The following POLN variants were observed in gnomAD, a reference collection of about 807,000 sequenced individuals.
POLN encodes DNA polymerase N.
Under a neutral mutation model 113.5 loss-of-function variants are expected in POLN, and 108 were observed. That is an observed-to-expected ratio of 0.95 (90% CI 0.81 to 1.12). The LOEUF (loss-of-function observed/expected upper bound fraction) is 1.12, where lower values mean the gene tolerates loss of function less well. Among genes scored for constraint, POLN ranks in the 50% most tolerant of loss-of-function variants. POLN has a pLI of 0.00. For missense variants in POLN, 1,097 were observed against 1,077.1 expected (o/e 1.02, Z -0.26); for synonymous variants, 386 against 391.5 (o/e 0.99, Z 0.17).
rs1200547268 is a variant in POLN, at chr4:2,198,601, A to T, written c.831T>A (p.Asp277Glu). ...CGPVLEGFVSDDPCIYIQIEH... is the reference protein window; with the variant it reads ...CGPVLEGFVSEDPCIYIQIEH... ...CTATTTGAATGTAGATGCATGGATC[A>T]TCTGACACAAAGCCCTCCAGAACAG... Residue 277 changes from aspartate (D) to glutamate (E), a missense_variant, in exon 6 of 26, where the codon GAT becomes GAA. By Grantham distance (45) the Asp-to-Glu change is conservative. Coordinates refer to ENST00000511885, the MANE Select transcript of POLN (RefSeq NM_181808.4). The T allele has an allele frequency of 6.2e-7, 1 of 1,614,066 alleles. No homozygotes were observed. Among genetic ancestry groups the T allele is most frequent in the Admixed American group, 1.7e-5 (1 of 59,992 alleles).
chr4:2,110,698 T>A (rs1200618858), intron 19 of POLN, among the ~76,000 whole-genome samples: 2 of 152,170 alleles, frequency 1.3e-5, no homozygotes, highest in East Asian at 3.8e-4. Flanking sequence ...AGGAAGAAGT[T>A]GAATCTCTGA....
At position 2,129,225 on chromosome 4, in the gene POLN, C is replaced by T. The variant is rs141684891; in HGVS notation, c.1821G>A (p.Pro607=). Residue 607 remains proline, a synonymous_variant, in exon 18 of 26, where the codon CCG becomes CCA. Coordinates refer to ENST00000511885, the MANE Select transcript of POLN (RefSeq NM_181808.4). ...GKEDKILTIS[P]RAMFVSSKGH... ...CTTTGGATGAAACAAACATGGCCCT[C>T]GGGGAGATCGTGAGAATCTTGTCTT... is the stretch of plus-strand genomic sequence containing the variant. 6.3e-6 allele frequency: 10 copies of T among 1,599,792 alleles called. No homozygotes were observed. Among genetic ancestry groups the T allele is most frequent in the South Asian group, 4.4e-5 (4 of 90,772 alleles).
intron 11 of POLN, 111 bp downstream of exon 11, chr4:2,173,844 C>G: frequency 9.3e-7 from 1 of 1,073,004 alleles, no homozygotes; most frequent in Non-Finnish European, 1.4e-6. Context: ...ACTGTCAACA[C>G]CAAACAAGGA....
chr4:2,091,808 C>CGCGT (rs1244400610), intron 20 of POLN, among the ~76,000 whole-genome samples: 1 of 148,394 alleles, frequency 6.7e-6, no homozygotes, highest in African/African-American at 2.5e-5. Flanking sequence ...TGTGCGCGCG[C>CGCGT]TACAATTTGA....
At chr4:2,230,619 CAAG>C (rs1180139596) in intron 2 of POLN, 1 of 151,656 alleles carries the variant, frequency 6.6e-6, no homozygotes. Flanking sequence ...TTTCAAAAAT[CAAG>C]AAGGTTCATC....
Position 2,208,471 on chromosome 4 carries a change from C to A in POLN, c.230G>T (p.Arg77Ile). The A allele has an allele frequency of 3.2e-6, 5 of 1,548,220 alleles. No homozygotes were observed. The highest frequency in any genetic ancestry group is 4.3e-6 in the Non-Finnish European group (5 of 1,153,102). ...GGCAGAACCTCTTGATGTCTGACTT[C>A]TTAAAGATTTAAGATCCTACAGAAA... ...SPEKKDLKSL[R>I]SQTSRGSAKL... Residue 77 changes from arginine to isoleucine, a missense_variant, in exon 5 of 26, where the codon AGA becomes ATA. By Grantham distance (97) the Arg-to-Ile change is moderately conservative. Transcript: ENST00000511885.
intron 2 of POLN, chr4:2,240,073 A>G (rs767805391): frequency 1.2e-6 from 2 of 1,613,962 alleles, no homozygotes; most frequent in African/African-American, 1.3e-5. Context: ...TCCTCTGCCC[A>G]TTTTATACTT....
intron 16 of POLN, among the ~76,000 whole-genome samples, chr4:2,154,468 G>GA (rs1167909227): frequency 9.9e-5 from 15 of 152,094 alleles, no homozygotes; most frequent in African/African-American, 3.4e-4. Context: ...AATGGAAATT[G>GA]AAAAAATGAG....
chr4:2,216,963 CGCA>C (rs943136271), intron 3 of POLN, among the ~76,000 whole-genome samples: 5 of 152,178 alleles, frequency 3.3e-5, no homozygotes, highest in African/African-American at 1.2e-4. Context: ...CCAGCATGGG[CGCA>C]GCAGATGGCA....
At chr4:2,231,792 TTAATA>T (rs1187301563) in intron 2 of POLN, 27 of 567,982 alleles carry the variant, frequency 4.8e-5, no homozygotes, top group Non-Finnish European at 7.2e-5. Flanking sequence ...AAAAGACAAA[TTAATA>T]TAATAGTTCA....
intron 19 of POLN, among the ~76,000 whole-genome samples, chr4:2,122,255 T>C (rs868172454): frequency 6.6e-6 from 1 of 152,160 alleles, no homozygotes; most frequent in African/African-American, 2.4e-5. Flanking sequence ...TTCTAAGACT[T>C]CCCATACCTC....
In POLN at chr4:2,093,799, A is replaced by C. The variant is rs757233598; in HGVS notation, c.2065+2052T>G. ...TCACAGAACCTAGTTCTTTAAAACA[A>C]AGTTTCTTAGTCTATTTTCCAAAAA... On this transcript the variant is annotated intron_variant, in intron 20 of 25. Transcript: ENST00000511885. The surrounding 1 kb of genome is among the most constrained non-coding windows in gnomAD (Gnocchi z 4.1). Among the ~76,000 whole-genome samples the C allele has an allele frequency of 6.6e-6, 1 of 152,212 alleles. No homozygotes were observed. Among genetic ancestry groups the C allele is most frequent in the Non-Finnish European group, 1.5e-5 (1 of 68,034 alleles).
intron 16 of POLN, chr4:2,156,422 A>G (rs1433552279): frequency 2.1e-6 from 1 of 469,128 alleles, no homozygotes. Flanking sequence ...AACAACCACC[A>G]AAAAATGGAG....
At chr4:2,219,142 G>A (rs1734191309) in intron 3 of POLN, among the ~76,000 whole-genome samples, 1 of 152,122 alleles carries the variant, frequency 6.6e-6, no homozygotes, top group African/African-American at 2.4e-5. Flanking sequence ...ATAACATGTG[G>A]GGACTTGGAA....
chr4:2,121,453 AT>A (rs1402857082), intron 19 of POLN, among the ~76,000 whole-genome samples: 1 of 78,240 alleles, frequency 1.3e-5, no homozygotes, highest in African/African-American at 3.9e-5. Flanking sequence ...AAAAAAAAAA[AT>A]ATATATATAT....
intron 7 of POLN, among the ~76,000 whole-genome samples, chr4:2,185,150 A>G (rs189605680): frequency 7.2e-5 from 11 of 152,354 alleles, no homozygotes; most frequent in African/African-American, 2.6e-4. Context: ...AGCTTCTAAC[A>G]TCACAAAAAA....
At chr4:2,098,932 AC>A (rs1485752342) in intron 19 of POLN, among the ~76,000 whole-genome samples, 1 of 152,224 alleles carries the variant, frequency 6.6e-6, no homozygotes, top group African/African-American at 2.4e-5. Flanking sequence ...ACACACACAC[AC>A]ACACACACAC....
At chr4:2,195,886 T>C (rs1196126380) in intron 6 of POLN, among the ~76,000 whole-genome samples, 1 of 152,168 alleles carries the variant, frequency 6.6e-6, no homozygotes, top group Non-Finnish European at 1.5e-5. Flanking sequence ...AATCACCATC[T>C]TACTAGCCGG....
At chr4:2,212,561 T>A (rs1734017966) in intron 4 of POLN, among the ~76,000 whole-genome samples, 2 of 151,728 alleles carry the variant, frequency 1.3e-5, no homozygotes. Flanking sequence ...TTTTGTATTA[T>A]TTTTTGTAGA....
Sources: allele counts gnomAD v4.1 joint callset (sites outside exome capture counted in the v4.1 genomes callset), GRCh38; gene constraint gnomAD v4.1.1; non-coding constraint Gnocchi (gnomAD v3.1); transcripts MANE v1.5; gene names NCBI Gene and HGNC (gene_info 2026-07-23, HGNC 2026-07-21).